SLC22A14: variants seen among roughly 807,000 people sequenced by gnomAD.
SLC22A14 encodes organic cation transporter-like 4.
SLC22A14 carries 50 observed loss-of-function variants against 53.9 expected under a neutral mutation model. The observed-to-expected ratio is 0.93, with a 90% CI of 0.74 to 1.17. The LOEUF (loss-of-function observed/expected upper bound fraction) is 1.17, where lower values mean the gene tolerates loss of function less well. Among genes scored for constraint, SLC22A14 ranks in the 50% most tolerant of loss-of-function variants. The pLI is 0.00. For synonymous variants in SLC22A14, 312 were observed against 303.0 expected (o/e 1.03, Z -0.31); for missense variants, 671 against 734.7 (o/e 0.91, Z 1.00).
intron 9 of SLC22A14, 100 bp from the exon 10 acceptor site, chr3:38,316,224 G>C: frequency 1.0e-6 from 1 of 990,382 alleles, no homozygotes; most frequent in Non-Finnish European, 1.6e-6. Context: ...GGATGGGACA[G>C]GGTGGAGACT....
Position 38,307,408 on chromosome 3 carries a change from C to G in SLC22A14, c.620+51C>G. 1 of 1,532,950 alleles carries G rather than the reference C, an allele frequency of 6.5e-7. No homozygotes were observed. The highest frequency in any genetic ancestry group is 9.0e-7 in the Non-Finnish European group (1 of 1,106,086). The allele number at this position is 1,532,950 out of a possible 1,614,324, so 95.0% of individuals were successfully genotyped here. ...TCCCCGAGCCATCCCAACTCCTCCT[C>G]ATGGGCATTCAGGGTTGGAGTGTGT... On this transcript the variant is annotated intron_variant, in intron 3 of 10. Coordinates refer to ENST00000448498, the MANE Select transcript of SLC22A14 (RefSeq NM_001320033.2). This position sits in a 1 kb window ranked among gnomAD's most constrained non-coding sequence, Gnocchi z 4.4.
intron 9 of SLC22A14, 123 bp downstream of exon 9, chr3:38,315,834 T>A: frequency 9.7e-7 from 1 of 1,025,878 alleles, no homozygotes; most frequent in Middle Eastern, 2.6e-4. Context: ...ACAGTTTACA[T>A]AAGTGATCTC....
At chr3:38,309,177 G>T (rs777456478) in intron 5 of SLC22A14, 55 bp downstream of exon 5, 2 of 1,458,376 alleles carry the variant, frequency 1.4e-6, no homozygotes, top group Non-Finnish European at 1.9e-6. Flanking sequence ...GCTGGATGTC[G>T]ATGAGTATGG....
In SLC22A14 at chr3:38,313,075, G is replaced by A. The variant is rs756552298; in HGVS notation, c.1021G>A (p.Ala341Thr). ...KEAKQVLCYAASVNKKTIPSN... is the reference protein window; with the variant it reads ...KEAKQVLCYATSVNKKTIPSN... The stretch of plus-strand genomic sequence containing the variant: ...GGCCAAGCAGGTGCTGTGCTACGCC[G>A]CAAGTGTGAACAAGAAGACCATTCC... Residue 341 changes from alanine to threonine, a missense_variant, in exon 6 of 11, where the codon GCA becomes ACA. Coordinates refer to ENST00000448498, the MANE Select transcript of SLC22A14 (RefSeq NM_001320033.2). 2.1e-5 allele frequency: 33 copies of A among 1,604,904 alleles called. No individual in the cohort carries two copies. The highest frequency in any genetic ancestry group is 1.6e-4 in the Middle Eastern group (1 of 6,074).
At chr3:38,283,249 T>C (rs938187340) in intron 1 of SLC22A14, among the ~76,000 whole-genome samples, 1 of 152,098 alleles carries the variant, frequency 6.6e-6, no homozygotes, top group Non-Finnish European at 1.5e-5. Context: ...AGCTAAGTAG[T>C]AACCTTAACT....
In SLC22A14 at chr3:38,318,479, T is replaced by G. The variant is rs697333; in HGVS notation, c.*230T>G. 0.97 allele frequency: 508,260 copies of G among 521,666 alleles called. 248,774 individuals are homozygous for G. The highest frequency in any genetic ancestry group is 1 in the East Asian group (32,961 of 32,962). 32.3% of individuals were successfully genotyped at this position (521,666 alleles called of 1,614,324 possible). On this transcript the variant is annotated 3_prime_UTR_variant, in exon 11 of 11. Transcript: ENST00000448498. ...TCAGTCTGGGGGCAGGGTCAGTCCT[T>G]CTCCCAGGCCAGCCCTTGACATTAA...
intron 9 of SLC22A14, 134 bp downstream of exon 9, chr3:38,315,845 A>G: frequency 1.1e-6 from 1 of 921,302 alleles, no homozygotes; most frequent in Non-Finnish European, 1.7e-6. Flanking sequence ...AAGTGATCTC[A>G]TTTAAACACC....
chr3:38,310,398 CA>C (rs1451781968), intron 5 of SLC22A14, among the ~76,000 whole-genome samples: 1 of 152,104 alleles, frequency 6.6e-6, no homozygotes, highest in African/African-American at 2.4e-5. Context: ...CAGTCCAGTT[CA>C]ATTAAAAACT....
chr3:38,283,786 C>T (rs540040198), intron 1 of SLC22A14, among the ~76,000 whole-genome samples: 1 of 152,266 alleles, frequency 6.6e-6, no homozygotes, highest in African/African-American at 2.4e-5. Flanking sequence ...GCCGAGATCA[C>T]ACCACTACAT....
At chr3:38,289,209 CA>C (rs1364963374) in intron 1 of SLC22A14, among the ~76,000 whole-genome samples, 2 of 138,050 alleles carry the variant, frequency 1.4e-5, no homozygotes, top group African/African-American at 2.7e-5. Context: ...AAAAAAATTG[CA>C]AAAAAATGAA....
intron 1 of SLC22A14, among the ~76,000 whole-genome samples, chr3:38,301,747 ATT>A (rs34126295): frequency 2.1e-5 from 3 of 143,450 alleles, no homozygotes; most frequent in Non-Finnish European, 4.6e-5. Context: ...CCTTTTTAGG[ATT>A]TTTTTTTTTG....
chr3:38,283,260 T>G (rs974655005), intron 1 of SLC22A14, among the ~76,000 whole-genome samples: 1 of 152,104 alleles, frequency 6.6e-6, no homozygotes, highest in Non-Finnish European at 1.5e-5. Flanking sequence ...AACCTTAACT[T>G]CATCTGTAAC....
intron 5 of SLC22A14, among the ~76,000 whole-genome samples, chr3:38,310,100 G>A (rs1704427133): frequency 6.6e-6 from 1 of 152,206 alleles, no homozygotes. Context: ...CATGGGGGCT[G>A]GGCGCAGTGG....
intron 1 of SLC22A14, among the ~76,000 whole-genome samples, chr3:38,299,777 G>T (rs35175413): frequency 0.13 from 19,779 of 152,160 alleles, 1,688 homozygotes; most frequent in Non-Finnish European, 0.19. Flanking sequence ...GGCCAGGCTG[G>T]TGTTGAATTC....
chr3:38,304,589 A>C (rs1014101516), intron 1 of SLC22A14, among the ~76,000 whole-genome samples: 4 of 152,070 alleles, frequency 2.6e-5, no homozygotes, highest in Non-Finnish European at 4.4e-5. Flanking sequence ...ACAGGGTTTC[A>C]CTATGTTGCC....
At chr3:38,309,409 T>A (rs1057016166) in intron 5 of SLC22A14, among the ~76,000 whole-genome samples, 1 of 152,100 alleles carries the variant, frequency 6.6e-6, no homozygotes, top group Non-Finnish European at 1.5e-5. Flanking sequence ...AGGGTCAGTG[T>A]TGAAGGTAAG....
chr3:38,314,281 CCT>C (rs1452369688), intron 8 of SLC22A14, among the ~76,000 whole-genome samples: 1 of 152,222 alleles, frequency 6.6e-6, no homozygotes, highest in Non-Finnish European at 1.5e-5. Context: ...CAAAAATATT[CCT>C]TCAACTGCTG....
rs756029665 is a variant in SLC22A14 at position 38,306,293 on chromosome 3, C to T, written c.267C>T (p.Phe89=). The change falls in exon 2 of 11, where the codon TTC becomes TTT. Residue 89 remains phenylalanine (F), a synonymous_variant. Transcript: ENST00000448498. ...MSAFFMFADH[F]VFTAQKPYCN... is the part of the protein sequence containing the mutation. ...CCTTCTTCATGTTTGCTGACCACTT[C>T]GTGTTCACAGCCCAGAAGCCCTATT... The T allele has an allele frequency of 1.5e-4, 246 of 1,614,034 alleles. 2 individuals are homozygous for T. In the Admixed American group the frequency reaches 3.6e-3, roughly 24 times the overall value.
rs114794983 is a variant in SLC22A14 at position 38,316,195 on chromosome 3, A to G, written c.1533-129A>G. 1.4e-4 allele frequency: 107 copies of G among 782,928 alleles called. No individual in the cohort carries two copies. The South Asian group carries it at 1.7e-3, about 12-fold the overall frequency. The allele number at this position is 782,928 out of a possible 1,614,324, so 48.5% of individuals were successfully genotyped here. A position where few individuals can be genotyped will look rare whatever the true frequency, so the allele number is the denominator to read the frequency against. The stretch of plus-strand genomic sequence containing the variant: ...GGAGGCCCAGAAGAAATTATTGCCT[A>G]CTTGGAATCACACAATGAGGATGGG... On this transcript the variant is annotated intron_variant, in intron 9 of 10. Transcript: ENST00000448498.
Sources: gnomAD v4.1 joint callset for allele counts (sites outside exome capture counted in the v4.1 genomes callset) on GRCh38, gnomAD v4.1.1 for gene constraint, Gnocchi (gnomAD v3.1) non-coding constraint, MANE v1.5 for transcripts, NCBI Gene and HGNC (gene_info 2026-07-23, HGNC 2026-07-21) for gene names.